MRPL21: variants seen among roughly 807,000 people sequenced by gnomAD.
The protein encoded by MRPL21 is mitochondrial ribosomal protein L21.
In MRPL21, 20 loss-of-function variants were observed where a neutral mutation model predicts 27.3. The ratio of observed to expected loss-of-function variants is 0.73; its 90% CI spans 0.52 to 1.06. The LOEUF (loss-of-function observed/expected upper bound fraction) is 1.06, where lower values mean the gene tolerates loss of function less well. MRPL21 is among the 50% of genes least tolerant of loss of function. The probability of loss-of-function intolerance (pLI) is 0.00; values close to 1 mark genes in which losing one functional copy is unlikely to be tolerated. For missense variants in MRPL21, 249 were observed against 251.4 expected (o/e 0.99, Z 0.06); for synonymous variants, 98 against 101.5 (o/e 0.97, Z 0.21).
intron 2 of MRPL21, among the ~76,000 whole-genome samples, chr11:68,899,172 G>C (rs1857874786): frequency 6.6e-6 from 1 of 152,142 alleles, no homozygotes. Flanking sequence ...AAGAAAGAGG[G>C]GGGCCTAGAT....
intron 4 of MRPL21, 149 bp downstream of exon 4, chr11:68,896,366 C>G: frequency 9.7e-7 from 1 of 1,027,554 alleles, no homozygotes; most frequent in Non-Finnish European, 1.4e-6. Flanking sequence ...GCCGTGGGCG[C>G]CCCCCAAAGT....
At position 68,896,986 on chromosome 11, in the gene MRPL21, C is replaced by T. The variant is rs557364568; in HGVS notation, c.233-308G>A. 5.0e-5 allele frequency: 22 copies of T among 442,636 alleles called. No individual in the cohort carries two copies. The East Asian group carries it at 7.6e-4, about 15-fold the overall frequency. 27.4% of individuals were successfully genotyped at this position (442,636 alleles called of 1,614,324 possible). ...GCAACTCCCTCGCCTAAGCACTCGG[C>T]ACGCCTGGCTAGGTTTCTACAACTC... On this transcript the variant is annotated intron_variant, in intron 3 of 6. Transcript: ENST00000362034.
chr11:68,902,076 C>T (rs1857952549), intron 1 of MRPL21, among the ~76,000 whole-genome samples: 1 of 152,224 alleles, frequency 6.6e-6, no homozygotes, highest in Non-Finnish European at 1.5e-5. Flanking sequence ...CTTCCTCTCC[C>T]ACAGGATTTC....
intron 5 of MRPL21, 92 bp downstream of exon 5, chr11:68,893,311 C>T: frequency 6.3e-7 from 1 of 1,585,180 alleles, no homozygotes; most frequent in Non-Finnish European, 8.6e-7. Context: ...AATATGAATG[C>T]AACTCCCCAC....
In MRPL21 at chr11:68,899,988, C is replaced by CG. The variant is rs34863551; in HGVS notation, c.146+559dup. On this transcript the variant is annotated intron_variant, in intron 2 of 6. Coordinates refer to ENST00000362034, the MANE Select transcript of MRPL21 (RefSeq NM_181514.2). Reference sequence around the variant, plus strand: ...GTGAGGGGCAGCCGGAACTGCACCCCGGGGGGGTCCCTACAGTAACTGCTA... The same window carrying CG: ...GTGAGGGGCAGCCGGAACTGCACCCCGGGGGGGGTCCCTACAGTAACTGCTA... 3.2e-3 allele frequency among the ~76,000 whole-genome samples: 494 copies of CG among 152,294 alleles called. 3 individuals carry two copies. Among genetic ancestry groups the CG allele is most frequent in the East Asian group, 0.02 (106 of 5,188 alleles).
chr11:68,902,503 T>C (rs557226284), intron 1 of MRPL21, among the ~76,000 whole-genome samples: 1 of 152,360 alleles, frequency 6.6e-6, no homozygotes, highest in East Asian at 1.9e-4. Context: ...CTTTATTTTT[T>C]AGCACAGTTT....
At chr11:68,898,165 G>C (rs1006925333) in intron 2 of MRPL21, among the ~76,000 whole-genome samples, 153 bp from the exon 3 acceptor site, 12 of 152,214 alleles carry the variant, frequency 7.9e-5, no homozygotes, top group African/African-American at 2.9e-4. Flanking sequence ...GGGTAACCCC[G>C]AGGACAGGCT....
In MRPL21 at chr11:68,892,915, T is replaced by C. The variant is rs1850852801; in HGVS notation, c.528A>G (p.Lys176=). Reference sequence around the variant, plus strand: ...TTCTTTTCTTCTTGAAGTTTTTCCTTTTCCTGAATCTCATAATGATTCTTG... The same window carrying C: ...TTCTTTTCTTCTTGAAGTTTTTCCTCTTCCTGAATCTCATAATGATTCTTG... The part of the protein sequence containing the change: ...SWPRIIMRFR[K]RKNFKKKRIV... The change falls in exon 6 of 7, where the codon AAA becomes AAG. Residue 176 remains lysine, a synonymous_variant. Coordinates refer to ENST00000362034, the MANE Select transcript of MRPL21 (RefSeq NM_181514.2). The C allele has an allele frequency of 6.2e-7, 1 of 1,613,494 alleles. No individual in the cohort carries two copies. Among genetic ancestry groups the C allele is most frequent in the Non-Finnish European group, 8.5e-7 (1 of 1,179,606 alleles).
intron 6 of MRPL21, chr11:68,892,125 G>A (rs542920631): frequency 2.1e-5 from 21 of 1,023,618 alleles, no homozygotes; most frequent in East Asian, 1.8e-4. Flanking sequence ...GTGGGTTCAC[G>A]CGCGGAGGGT....
Position 68,900,547 on chromosome 11 carries a change from C to G in MRPL21, c.146+1G>C, listed in dbSNP as rs1238311490. On this transcript the variant is annotated splice_donor_variant, in intron 2 of 6. Transcript: ENST00000362034. LOFTEE classifies it high-confidence loss of function. ...CACCAAAACCCACATTTTGATATTA[C>G]CCTGGTAGATATGAAGTGCTCTGTG... is the stretch of plus-strand genomic sequence containing the variant. The G allele has an allele frequency of 6.2e-7, 1 of 1,613,476 alleles. No individual in the cohort carries two copies. Among genetic ancestry groups the G allele is most frequent in the Non-Finnish European group, 8.5e-7 (1 of 1,179,602 alleles).
At chr11:68,896,443 T>G in intron 4 of MRPL21, 72 bp downstream of exon 4, 56 of 1,556,338 alleles carry the variant, frequency 3.6e-5, no homozygotes, top group Non-Finnish European at 4.7e-5. Flanking sequence ...CTCCTCCGTG[T>G]GAGCTGGGGC....
chr11:68,892,974 C>T lies in MRPL21; in HGVS notation c.469G>A (p.Glu157Lys), dbSNP rs887434660. ...PLLGKDLVRV[E>K]ATVIEKTESW... is the part of the protein sequence containing the mutation. The stretch of plus-strand genomic sequence containing the variant: ...TCTGTCTTTTCAATGACTGTGGCTT[C>T]TACTCGAACAAGATCCTTTCTAGAA... Residue 157 changes from glutamate to lysine, a missense_variant, in exon 6 of 7, where the codon GAA (glutamate) becomes AAA (lysine). Glu to Lys is a moderately conservative substitution (Grantham distance 56). Coordinates refer to ENST00000362034, the MANE Select transcript of MRPL21 (RefSeq NM_181514.2). The T allele has an allele frequency of 2.7e-5, 44 of 1,604,270 alleles. No homozygotes were observed. Among genetic ancestry groups the T allele is most frequent in the Non-Finnish European group, 3.5e-5 (41 of 1,175,418 alleles).
At chr11:68,893,109 C>A in intron 5 of MRPL21, 116 bp from the exon 6 acceptor site, 1 of 1,350,440 alleles carries the variant, frequency 7.4e-7, no homozygotes, top group Non-Finnish European at 9.8e-7. Flanking sequence ...AAAAGTAATA[C>A]GCCCTCAATG....
rs377758047 is a variant in MRPL21, at chr11:68,901,162, C to T, written c.89-557G>A. On this transcript the variant is annotated intron_variant, in intron 1 of 6. Transcript: ENST00000362034. ...CCACATGGCGGGGAACTAGGCCTAT[C>T]GCCAACACCCATGGGAACGACCTTG... Among the ~76,000 whole-genome samples the T allele has an allele frequency of 2.4e-4, 36 of 152,280 alleles. No individual in the cohort carries two copies. The East Asian group carries it at 3.3e-3, about 14-fold the overall frequency.
intron 2 of MRPL21, 29 bp downstream of exon 2, chr11:68,900,519 A>C (rs768661882): frequency 7.5e-6 from 12 of 1,599,098 alleles, no homozygotes; most frequent in Non-Finnish European, 9.4e-6. Flanking sequence ...AAAGGAAAAG[A>C]GGCACCAAAA....
intron 4 of MRPL21, among the ~76,000 whole-genome samples, chr11:68,896,132 G>A (rs2052600802): frequency 6.6e-6 from 1 of 152,224 alleles, no homozygotes; most frequent in Non-Finnish European, 1.5e-5. Flanking sequence ...CTCATAGACA[G>A]GGGCTATAAA....
At chr11:68,894,722 TAATAA>T (rs1487045651) in intron 4 of MRPL21, among the ~76,000 whole-genome samples, 1 of 152,210 alleles carries the variant, frequency 6.6e-6, no homozygotes, top group Non-Finnish European at 1.5e-5. Flanking sequence ...TAGTGACAAA[TAATAA>T]AATAAGTATT....
Position 68,893,421 on chromosome 11 carries a change from A to G in MRPL21, c.431T>C (p.Leu144Pro). The G allele has an allele frequency of 6.2e-7, 1 of 1,614,212 alleles. No homozygotes were observed. The highest frequency in any genetic ancestry group is 8.5e-7 in the Non-Finnish European group (1 of 1,180,044). ...CCATTACCCGAGGAGTGGCTTGCCA[A>G]GCAGCGTGAAGTTGTCTGCCCCAAC... is the stretch of plus-strand genomic sequence containing the variant. ...LLVGADNFTL[L>P]GKPLLGKDLV... The change falls in exon 5 of 7, where the codon CTT becomes CCT. Residue 144 changes from leucine (L) to proline (P), a missense_variant. Coordinates refer to ENST00000362034, the MANE Select transcript of MRPL21 (RefSeq NM_181514.2).
At chr11:68,900,717 C>G in intron 1 of MRPL21, 112 bp from the exon 2 acceptor site, 4 of 910,592 alleles carry the variant, frequency 4.4e-6, no homozygotes, top group Non-Finnish European at 7.2e-6. Context: ...TGAACCACTG[C>G]ATGACAGCCT....
Sources: allele counts gnomAD v4.1 joint callset (sites outside exome capture counted in the v4.1 genomes callset), GRCh38; gene constraint gnomAD v4.1.1; transcripts MANE v1.5; gene names NCBI Gene and HGNC (gene_info 2026-07-23, HGNC 2026-07-21).